BMP2K: variants seen among roughly 807,000 people sequenced by gnomAD.
BMP2K encodes BMP2 inducible kinase.
Under a neutral mutation model 116.0 loss-of-function variants are expected in BMP2K, and 74 were observed. That is an observed-to-expected ratio of 0.64 (90% CI 0.53 to 0.77). The LOEUF is 0.77. Among genes scored for constraint, BMP2K ranks in the 30% least tolerant of loss-of-function variants. The probability of loss-of-function intolerance (pLI) is 0.00; values close to 1 mark genes in which losing one functional copy is unlikely to be tolerated. For synonymous variants in BMP2K, 486 were observed against 502.5 expected (o/e 0.97, Z 0.44); for missense variants, 1,365 against 1,403.6 (o/e 0.97, Z 0.44).
chr4:78,802,251 CCTT>C (rs1457199903), intron 1 of BMP2K, among the ~76,000 whole-genome samples: 2 of 152,112 alleles, frequency 1.3e-5, no homozygotes, highest in African/African-American at 4.8e-5. Flanking sequence ...CCCAGTGTGA[CCTT>C]CTTACTCTTA....
intron 13 of BMP2K, among the ~76,000 whole-genome samples, chr4:78,873,137 A>T (rs188113839): frequency 6.6e-6 from 1 of 152,336 alleles, no homozygotes; most frequent in African/African-American, 2.4e-5. Context: ...AAATCCTTGT[A>T]GACTTTCTCT....
intron 1 of BMP2K, among the ~76,000 whole-genome samples, chr4:78,793,436 AG>A (rs1728104974): frequency 6.6e-6 from 1 of 151,842 alleles, no homozygotes; most frequent in Non-Finnish European, 1.5e-5. Flanking sequence ...TTAAAAAAAA[AG>A]TTATGCACCG....
chr4:78,903,160 C>T (rs1734104959), intron 15 of BMP2K, among the ~76,000 whole-genome samples: 1 of 151,492 alleles, frequency 6.6e-6, no homozygotes, highest in South Asian at 2.1e-4. Flanking sequence ...ATTTTAACAC[C>T]TTCATAAAAG....
chr4:78,818,048 A>C (rs1729439733), intron 1 of BMP2K, among the ~76,000 whole-genome samples: 1 of 152,160 alleles, frequency 6.6e-6, no homozygotes, highest in Admixed American at 6.6e-5. Flanking sequence ...TCTTATTTTG[A>C]GTGGCTATAT....
intron 10 of BMP2K, among the ~76,000 whole-genome samples, chr4:78,869,357 A>G (rs1732218639): frequency 6.6e-6 from 1 of 152,110 alleles, no homozygotes; most frequent in South Asian, 2.1e-4. Context: ...AAAATATACT[A>G]AAGGCTGGAA....
At chr4:78,852,883 C>T (rs184176282) in intron 7 of BMP2K, among the ~76,000 whole-genome samples, 1 of 152,328 alleles carries the variant, frequency 6.6e-6, no homozygotes, top group East Asian at 1.9e-4. Context: ...GGATTACAGA[C>T]ATGAACCACC....
chr4:78,828,643 G>A (rs981528134), intron 2 of BMP2K, among the ~76,000 whole-genome samples: 2 of 152,186 alleles, frequency 1.3e-5, no homozygotes, highest in African/African-American at 4.8e-5. Flanking sequence ...TGTGACTAGG[G>A]CTTTGGGAGT....
intron 10 of BMP2K, among the ~76,000 whole-genome samples, chr4:78,865,947 C>T (rs1165444077): frequency 6.6e-6 from 1 of 152,150 alleles, no homozygotes; most frequent in Non-Finnish European, 1.5e-5. Context: ...AAAAAACTCA[C>T]AATTTGCTTT....
intron 2 of BMP2K, among the ~76,000 whole-genome samples, chr4:78,832,380 G>C (rs7658187): frequency 0.12 from 18,510 of 152,070 alleles, 3,718 homozygotes; most frequent in African/African-American, 0.42. Context: ...TTCTTATTTT[G>C]TATCAACGTC....
intron 4 of BMP2K, among the ~76,000 whole-genome samples, chr4:78,843,666 T>C (rs546954694): frequency 2.0e-5 from 3 of 152,072 alleles, no homozygotes; most frequent in East Asian, 3.9e-4. Flanking sequence ...TAAGGCAGCA[T>C]TGAAATGCTT....
At chr4:78,851,813 A>C (rs1252805348) in intron 7 of BMP2K, among the ~76,000 whole-genome samples, 4 of 152,138 alleles carry the variant, frequency 2.6e-5, no homozygotes, top group Admixed American at 2.6e-4. Flanking sequence ...ATTATTTATA[A>C]GAGTAGAATG....
intron 1 of BMP2K, among the ~76,000 whole-genome samples, chr4:78,802,788 T>G (rs1728630626): frequency 6.6e-6 from 1 of 152,200 alleles, no homozygotes; most frequent in Admixed American, 6.5e-5. Flanking sequence ...CTATAGTCCT[T>G]TGTTTATCTC....
chr4:78,909,055 CTTTT>C (rs1053664659), intron 15 of BMP2K, among the ~76,000 whole-genome samples: 3 of 94,394 alleles, frequency 3.2e-5, no homozygotes, highest in Admixed American at 1.2e-4. Flanking sequence ...TTCCCTTAGT[CTTTT>C]TTTTTTTTTT....
chr4:78,905,695 ATTAACT>A (rs943442197), intron 15 of BMP2K, among the ~76,000 whole-genome samples: 6 of 152,064 alleles, frequency 3.9e-5, no homozygotes, highest in South Asian at 4.1e-4. Context: ...CTTTTGGGAA[ATTAACT>A]TTAGCAGTGA....
chr4:78,860,310 C>G (rs1411645829), intron 8 of BMP2K, among the ~76,000 whole-genome samples: 1 of 151,804 alleles, frequency 6.6e-6, no homozygotes, highest in Non-Finnish European at 1.5e-5. Flanking sequence ...AACAAAGCTG[C>G]ACTTGTATCC....
At chr4:78,847,339 ACTCTG>A (rs939608298) in intron 6 of BMP2K, 70 bp downstream of exon 6, 1 of 1,167,532 alleles carries the variant, frequency 8.6e-7, no homozygotes, top group African/African-American at 1.6e-5. Context: ...ATTATTTTTT[ACTCTG>A]CTCCCCAAAA....
In BMP2K at chr4:78,870,890, A is replaced by C. The variant is rs2110058372; in HGVS notation, c.1339A>C (p.Arg447=). The change falls in exon 11 of 16, where the codon AGA becomes CGA. Residue 447 remains arginine (R), a synonymous_variant. Transcript: ENST00000502613. ...CCAGCAACTACAGCAGGGAGATTGG[A>C]GATTACAGCAACTCCATTTACAGCA... ...VLQQLQQGDW[R]LQQLHLQHRH... 6.2e-7 allele frequency: 1 copy of C among 1,612,766 alleles called. No homozygotes were observed.
At chr4:78,895,343 C>T (rs908543562) in intron 15 of BMP2K, among the ~76,000 whole-genome samples, 39 of 152,212 alleles carry the variant, frequency 2.6e-4, no homozygotes, top group Non-Finnish European at 4.7e-4. Flanking sequence ...ACAGATTTCT[C>T]TGCAAACACA....
chr4:78,794,065 C>T (rs894867557), intron 1 of BMP2K, among the ~76,000 whole-genome samples: 2 of 152,110 alleles, frequency 1.3e-5, no homozygotes, highest in Admixed American at 6.5e-5. Context: ...TTATGGCTTT[C>T]ATCATATTCC....
Sources: gnomAD v4.1 joint callset for allele counts (sites outside exome capture counted in the v4.1 genomes callset) on GRCh38, gnomAD v4.1.1 for gene constraint, MANE v1.5 for transcripts, NCBI Gene and HGNC (gene_info 2026-07-23, HGNC 2026-07-21) for gene names.